The following DPYD variants were observed in gnomAD, a reference collection of about 807,000 sequenced individuals.
DPYD encodes dihydropyrimidine dehydrogenase [NADP(+)].
Under a neutral mutation model 116.2 loss-of-function variants are expected in DPYD, and 109 were observed. The ratio of observed to expected loss-of-function variants is 0.94; its 90% CI spans 0.80 to 1.10. The LOEUF (loss-of-function observed/expected upper bound fraction) is 1.10, where lower values mean the gene tolerates loss of function less well. Among genes scored for constraint, DPYD ranks in the 50% least tolerant of loss-of-function variants. The pLI, the probability that DPYD is intolerant of heterozygous loss-of-function variation, is 0.00. For synonymous variants in DPYD, 440 were observed against 432.0 expected (o/e 1.02, Z -0.23); for missense variants, 1,302 against 1,254.5 (o/e 1.04, Z -0.57).
chr1:97,566,632 T>C (rs1366485872), intron 11 of DPYD, among the ~76,000 whole-genome samples: 1 of 152,154 alleles, frequency 6.6e-6, no homozygotes, highest in Non-Finnish European at 1.5e-5. Context: ...TTTATTAAAA[T>C]GCATGCAACA....
At chr1:97,409,201 G>A (rs116677796) in intron 14 of DPYD, among the ~76,000 whole-genome samples, 1,869 of 152,058 alleles carry the variant, frequency 0.012, 36 homozygotes, top group African/African-American at 0.042. Context: ...AACATTTTCC[G>A]TAAAGATTTT....
At chr1:97,877,338 T>C (rs1671975201) in intron 2 of DPYD, among the ~76,000 whole-genome samples, 1 of 151,746 alleles carries the variant, frequency 6.6e-6, no homozygotes. Context: ...TCATAAAACT[T>C]AGGTATCAGC....
chr1:97,238,605 G>A (rs1171342146), intron 18 of DPYD, among the ~76,000 whole-genome samples: 1 of 152,094 alleles, frequency 6.6e-6, no homozygotes, highest in Non-Finnish European at 1.5e-5. Flanking sequence ...TTGTACATAT[G>A]CCAATTAAAA....
chr1:97,345,192 C>T (rs909442211), intron 16 of DPYD, among the ~76,000 whole-genome samples: 2 of 151,674 alleles, frequency 1.3e-5, no homozygotes, highest in Non-Finnish European at 2.9e-5. Flanking sequence ...AATATTTTTT[C>T]CTAATGTCCC....
intron 18 of DPYD, among the ~76,000 whole-genome samples, chr1:97,274,123 G>A (rs968142345): frequency 2.0e-5 from 3 of 152,134 alleles, no homozygotes; most frequent in African/African-American, 7.2e-5. Flanking sequence ...GAATAAAAAC[G>A]AGAAAATAAA....
At chr1:97,557,704 G>A (rs1651848995) in intron 11 of DPYD, among the ~76,000 whole-genome samples, 1 of 152,118 alleles carries the variant, frequency 6.6e-6, no homozygotes, top group Non-Finnish European at 1.5e-5. Flanking sequence ...CATCCAGTCA[G>A]TTAACATGTT....
chr1:97,647,230 G>T (rs574985328), intron 8 of DPYD, among the ~76,000 whole-genome samples: 39 of 151,932 alleles, frequency 2.6e-4, no homozygotes, highest in African/African-American at 9.2e-4. Flanking sequence ...TAAATATTTT[G>T]GTGTCCTTTC....
chr1:97,479,040 T>C (rs534410537), intron 13 of DPYD, among the ~76,000 whole-genome samples: 1 of 152,250 alleles, frequency 6.6e-6, no homozygotes, highest in Non-Finnish European at 1.5e-5. Context: ...CTTAAGAGAG[T>C]GTTGTGCTGA....
At chr1:97,594,718 A>G (rs1654756175) in intron 9 of DPYD, among the ~76,000 whole-genome samples, 1 of 151,924 alleles carries the variant, frequency 6.6e-6, no homozygotes. Context: ...TGTAGATACA[A>G]ATCATATAAG....
intron 13 of DPYD, among the ~76,000 whole-genome samples, chr1:97,495,512 GGTTT>G (rs1206563149): frequency 6.6e-6 from 1 of 151,894 alleles, no homozygotes; most frequent in Non-Finnish European, 1.5e-5. Flanking sequence ...ACATCAAAAT[GGTTT>G]GTTATATTGT....
At chr1:97,430,874 T>C (rs1675141212) in intron 14 of DPYD, among the ~76,000 whole-genome samples, 1 of 152,020 alleles carries the variant, frequency 6.6e-6, no homozygotes, top group Admixed American at 6.6e-5. Flanking sequence ...TTTGTAAACA[T>C]TGCCTATATG....
chr1:97,517,926 T>G (rs1425133304), intron 12 of DPYD, among the ~76,000 whole-genome samples: 1 of 152,098 alleles, frequency 6.6e-6, no homozygotes, highest in Non-Finnish European at 1.5e-5. Flanking sequence ...TTTTCAATCT[T>G]ACAGATGAAT....
chr1:97,515,981 T>C (rs546714863), intron 12 of DPYD, 40 bp from the exon 13 acceptor site: 21 of 1,558,360 alleles, frequency 1.3e-5, no homozygotes, highest in Non-Finnish European at 1.9e-5. Flanking sequence ...ATATTACATC[T>C]AAATTGTCCA....
chr1:97,285,624 T>C (rs995301662), intron 18 of DPYD, among the ~76,000 whole-genome samples: 3 of 152,094 alleles, frequency 2.0e-5, no homozygotes, highest in African/African-American at 7.2e-5. Flanking sequence ...GGAATATTTG[T>C]GAAAATTTCT....
At chr1:97,275,768 G>A (rs1314964519) in intron 18 of DPYD, among the ~76,000 whole-genome samples, 1 of 152,066 alleles carries the variant, frequency 6.6e-6, no homozygotes, top group Non-Finnish European at 1.5e-5. Flanking sequence ...CCTCTTTCCA[G>A]GAAATCTTCC....
At chr1:97,815,822 GGA>G (rs1250118394) in intron 3 of DPYD, among the ~76,000 whole-genome samples, 1 of 152,106 alleles carries the variant, frequency 6.6e-6, no homozygotes, top group African/African-American at 2.4e-5. Context: ...TAACGTTTCA[GGA>G]GAGAGAGAGT....
intron 2 of DPYD, among the ~76,000 whole-genome samples, chr1:97,858,781 A>G (rs770258903): frequency 6.6e-6 from 1 of 152,162 alleles, no homozygotes; most frequent in Admixed American, 6.5e-5. Context: ...GTATTATCAA[A>G]TCTTTGCTAC....
intron 19 of DPYD, among the ~76,000 whole-genome samples, chr1:97,199,870 T>C (rs1260147994): frequency 6.6e-6 from 1 of 152,140 alleles, no homozygotes; most frequent in East Asian, 1.9e-4. Flanking sequence ...CTAAACCTCA[T>C]AGGTATTGTA....
chr1:97,472,370 C>T (rs1253733275), intron 13 of DPYD, among the ~76,000 whole-genome samples: 1 of 152,226 alleles, frequency 6.6e-6, no homozygotes, highest in Non-Finnish European at 1.5e-5. Flanking sequence ...ACACCTTCAT[C>T]TCCCCTATGC....
Sources: allele counts gnomAD v4.1 joint callset (sites outside exome capture counted in the v4.1 genomes callset), GRCh38; gene constraint gnomAD v4.1.1; transcripts MANE v1.5; gene names NCBI Gene and HGNC (gene_info 2026-07-23, HGNC 2026-07-21).